Variants in FHIT observed in about 807,000 individuals in gnomAD.
The protein encoded by FHIT is fragile histidine triad diadenosine triphosphatase.
FHIT carries 19 observed loss-of-function variants against 17.9 expected under a neutral mutation model. The ratio of observed to expected loss-of-function variants is 1.06; its 90% CI spans 0.74 to 1.56. The LOEUF (loss-of-function observed/expected upper bound fraction) is 1.56, where lower values mean the gene tolerates loss of function less well. Ranked by LOEUF, FHIT falls within the 40% of genes most tolerant of loss-of-function variation. The pLI is 0.00. For missense variants in FHIT, 248 were observed against 189.2 expected (o/e 1.31, Z -1.82); for synonymous variants, 81 against 69.7 (o/e 1.16, Z -0.81).
intron 8 of FHIT, among the ~76,000 whole-genome samples, chr3:59,813,532 G>A (rs1025515286): frequency 1.3e-5 from 2 of 152,192 alleles, no homozygotes; most frequent in Non-Finnish European, 2.9e-5. Context: ...AGAGGGGATA[G>A]AGCAAGGATT....
At chr3:60,253,227 G>C (rs1342640728) in intron 5 of FHIT, among the ~76,000 whole-genome samples, 2 of 152,128 alleles carry the variant, frequency 1.3e-5, no homozygotes, top group African/African-American at 4.8e-5. Context: ...TACTTACAAT[G>C]AAGGCTATCA....
chr3:61,129,131 C>G (rs1441606445), intron 2 of FHIT, among the ~76,000 whole-genome samples: 3 of 152,110 alleles, frequency 2.0e-5, no homozygotes, highest in Admixed American at 6.5e-5. Flanking sequence ...CTATGACATC[C>G]CACAATCAAA....
chr3:59,936,484 A>G (rs1706247055), intron 7 of FHIT, among the ~76,000 whole-genome samples: 1 of 152,148 alleles, frequency 6.6e-6, no homozygotes, highest in Non-Finnish European at 1.5e-5. Flanking sequence ...TAAAATGTAT[A>G]ATAATAAACA....
intron 5 of FHIT, among the ~76,000 whole-genome samples, chr3:60,158,139 T>A (rs548905729): frequency 2.6e-5 from 4 of 152,108 alleles, no homozygotes; most frequent in Non-Finnish European, 4.4e-5. Flanking sequence ...ACCCTTGACA[T>A]CTGGAAACTA....
chr3:60,180,215 A>G (rs1266831877), intron 5 of FHIT, among the ~76,000 whole-genome samples: 2 of 152,224 alleles, frequency 1.3e-5, no homozygotes, highest in Non-Finnish European at 2.9e-5. Context: ...TAGGAAGATC[A>G]CGGGCAGCAA....
intron 5 of FHIT, among the ~76,000 whole-genome samples, chr3:60,378,672 CTATGG>C (rs1700677057): frequency 6.6e-6 from 1 of 152,188 alleles, no homozygotes; most frequent in Admixed American, 6.5e-5. Flanking sequence ...TATTTTGCTA[CTATGG>C]TAATTTCAAG....
At chr3:60,927,365 C>A (rs1707683196) in intron 3 of FHIT, among the ~76,000 whole-genome samples, 1 of 152,196 alleles carries the variant, frequency 6.6e-6, no homozygotes, top group Admixed American at 6.5e-5. Flanking sequence ...CTGCCTTGGC[C>A]TCCCAAAGTG....
chr3:60,802,469 G>A (rs1355602782), intron 4 of FHIT, among the ~76,000 whole-genome samples: 2 of 152,124 alleles, frequency 1.3e-5, no homozygotes, highest in African/African-American at 4.8e-5. Flanking sequence ...GCCCTGGCAA[G>A]ACCCAAAATA....
chr3:60,010,226 C>T (rs533139168), intron 7 of FHIT, among the ~76,000 whole-genome samples: 8 of 152,252 alleles, frequency 5.3e-5, no homozygotes, highest in South Asian at 2.1e-4. Context: ...TCTTTGCATC[C>T]GTATATTTAG....
At chr3:60,473,393 A>C (rs1358620957) in intron 5 of FHIT, among the ~76,000 whole-genome samples, 1 of 152,218 alleles carries the variant, frequency 6.6e-6, no homozygotes, top group African/African-American at 2.4e-5. Flanking sequence ...AGAGAGGGAC[A>C]ATCTGAATTT....
intron 7 of FHIT, among the ~76,000 whole-genome samples, chr3:59,976,135 T>A (rs970408795): frequency 1.3e-5 from 2 of 152,044 alleles, no homozygotes; most frequent in African/African-American, 4.8e-5. Context: ...GAAGATAAAA[T>A]GAGATGGCTC....
intron 8 of FHIT, among the ~76,000 whole-genome samples, chr3:59,911,465 T>A (rs1295255416): frequency 1.3e-5 from 2 of 152,050 alleles, no homozygotes; most frequent in Non-Finnish European, 2.9e-5. Context: ...TGGTGGGCCT[T>A]TTAGGGGAGC....
intron 4 of FHIT, among the ~76,000 whole-genome samples, chr3:60,562,448 A>T (rs1354996145): frequency 6.6e-5 from 10 of 152,188 alleles, no homozygotes; most frequent in Non-Finnish European, 1.3e-4. Context: ...GAAAAGTCTC[A>T]CTTGAGACTG....
chr3:60,102,373 G>C (rs909364103), intron 5 of FHIT, among the ~76,000 whole-genome samples: 3 of 152,160 alleles, frequency 2.0e-5, no homozygotes, highest in Non-Finnish European at 4.4e-5. Context: ...CAAAGACAAA[G>C]TTCAGGTGAG....
chr3:60,357,743 C>T (rs1699735816), intron 5 of FHIT, among the ~76,000 whole-genome samples: 1 of 152,194 alleles, frequency 6.6e-6, no homozygotes, highest in African/African-American at 2.4e-5. Flanking sequence ...ACATATTTAA[C>T]ATATTGCAAA....
chr3:60,278,256 G>C (rs9845306), intron 5 of FHIT, among the ~76,000 whole-genome samples: 1,811 of 152,216 alleles, frequency 0.012, 31 homozygotes, highest in African/African-American at 0.041. Context: ...TCAGGGAAGA[G>C]AAAAAGTAAC....
chr3:60,965,774 G>A (rs1709705942), intron 3 of FHIT, among the ~76,000 whole-genome samples: 2 of 152,204 alleles, frequency 1.3e-5, no homozygotes, highest in Admixed American at 1.3e-4. Flanking sequence ...AATGGCAAAT[G>A]TTGCTGCCTG....
chr3:61,076,513 T>C (rs934117844), intron 2 of FHIT, among the ~76,000 whole-genome samples: 16 of 152,202 alleles, frequency 1.1e-4, no homozygotes, highest in African/African-American at 3.1e-4. Context: ...GTCTGTCAAA[T>C]TGTATGTTTC....
intron 2 of FHIT, among the ~76,000 whole-genome samples, chr3:61,085,848 CCTT>C (rs2035289822): frequency 6.6e-6 from 1 of 152,078 alleles, no homozygotes; most frequent in Non-Finnish European, 1.5e-5. Flanking sequence ...TTCCACCTCA[CCTT>C]CTTTGGAAAA....
Sources: allele counts gnomAD v4.1 joint callset (sites outside exome capture counted in the v4.1 genomes callset), GRCh38; gene constraint gnomAD v4.1.1; transcripts MANE v1.5; gene names NCBI Gene and HGNC (gene_info 2026-07-23, HGNC 2026-07-21).